The following JMY variants were observed in gnomAD, a reference collection of about 807,000 sequenced individuals.
The protein encoded by JMY is junction-mediating and -regulatory protein.
Under a neutral mutation model 103.3 loss-of-function variants are expected in JMY, and 46 were observed. The ratio of observed to expected loss-of-function variants is 0.45; its 90% CI spans 0.35 to 0.57. The LOEUF (loss-of-function observed/expected upper bound fraction) is 0.57, where lower values mean the gene tolerates loss of function less well. Among genes scored for constraint, JMY ranks in the 20% least tolerant of loss-of-function variants. The probability of loss-of-function intolerance (pLI) is 0.00; values close to 1 mark genes in which losing one functional copy is unlikely to be tolerated. For synonymous variants in JMY, 526 were observed against 489.3 expected (o/e 1.07, Z -0.99); for missense variants, 1,238 against 1,255.2 (o/e 0.99, Z 0.21).
chr5:79,316,032 T>C lies in JMY; in HGVS notation c.2692T>C (p.Leu898=). 1 of 1,614,204 alleles carries C rather than the reference T, an allele frequency of 6.2e-7. No homozygotes were observed. Among genetic ancestry groups the C allele is most frequent in the Non-Finnish European group, 8.5e-7 (1 of 1,180,018 alleles). ...SSPMDEVLAS[L]KRGSFHLKKV... is the part of the protein sequence containing the mutation. ...ACCCATGGATGAGGTGCTAGCCTCC[T>C]TGAAGCGTGGTAGTTTTCATCTGAA... The change falls in exon 10 of 11, where the codon TTG becomes CTG. Residue 898 remains leucine (L), a synonymous_variant. Coordinates refer to ENST00000396137, the MANE Select transcript of JMY (RefSeq NM_152405.5).
At chr5:79,250,031 A>G (rs1222841120) in intron 1 of JMY, among the ~76,000 whole-genome samples, 1 of 152,214 alleles carries the variant, frequency 6.6e-6, no homozygotes, top group Non-Finnish European at 1.5e-5. Flanking sequence ...TGAAGTGCCT[A>G]GCGTGGTATC....
intron 1 of JMY, among the ~76,000 whole-genome samples, chr5:79,247,675 C>T (rs1367277473): frequency 4.0e-5 from 6 of 151,368 alleles, no homozygotes; most frequent in Admixed American, 1.3e-4. Context: ...TTTTTTGAGG[C>T]GGAGTCTTGC....
In JMY at chr5:79,236,800, G is replaced by A. The variant is rs1315058873; in HGVS notation, c.150G>A (p.Thr50=). The A allele has an allele frequency of 6.7e-7, 1 of 1,492,858 alleles. No homozygotes were observed. The allele number at this position is 1,492,858 out of a possible 1,614,324, so 92.5% of individuals were successfully genotyped here. A position where few individuals can be genotyped will look rare whatever the true frequency, so the allele number is the denominator to read the frequency against. The stretch of plus-strand genomic sequence containing the variant: ...TTGCCATAACCTGCCACAACCGGAC[G>A]GCCCAGAGGCAGAGGAGCGGCTCCC... ...GKFAITCHNR[T]AQRQRSGSRE... Residue 50 remains threonine, a synonymous_variant, in exon 1 of 11, where the codon ACG becomes ACA. Coordinates refer to ENST00000396137, the MANE Select transcript of JMY (RefSeq NM_152405.5).
intron 1 of JMY, among the ~76,000 whole-genome samples, chr5:79,274,174 A>G (rs1285179143): frequency 6.6e-6 from 1 of 152,086 alleles, no homozygotes; most frequent in Non-Finnish European, 1.5e-5. Context: ...TTTATCTTCA[A>G]GTTCATTGAC....
In JMY at chr5:79,314,250, AT is replaced by A; in HGVS notation, c.2065-3del. 6.3e-7 allele frequency: 1 copy of A among 1,597,022 alleles called. No individual in the cohort carries two copies. The highest frequency in any genetic ancestry group is 8.5e-7 in the Non-Finnish European group (1 of 1,173,270). On this transcript the variant is annotated splice_polypyrimidine_tract_variant and splice_region_variant and intron_variant, in intron 8 of 10. Transcript: ENST00000396137. The stretch of plus-strand genomic sequence containing the variant: ...TTAACCAGTTCCAATAACTTCTGGT[AT>A]TTTAGAGGTATCCTGGGCAAGTCAT...
chr5:79,283,069 G>A (rs1021048907), intron 2 of JMY, among the ~76,000 whole-genome samples: 79 of 151,696 alleles, frequency 5.2e-4, no homozygotes, highest in African/African-American at 9.2e-4. Flanking sequence ...CAGTCTCACC[G>A]CAACCTCTGC....
chr5:79,244,929 T>C (rs576507598), intron 1 of JMY, among the ~76,000 whole-genome samples: 1 of 151,922 alleles, frequency 6.6e-6, no homozygotes, highest in East Asian at 1.9e-4. Flanking sequence ...ACACAGCATA[T>C]CTAAGTTATT....
chr5:79,242,971 A>G (rs1225913528), intron 1 of JMY, among the ~76,000 whole-genome samples: 1 of 152,110 alleles, frequency 6.6e-6, no homozygotes, highest in Non-Finnish European at 1.5e-5. Context: ...AGGATAACTC[A>G]TTTCGAATTA....
intron 10 of JMY, among the ~76,000 whole-genome samples, chr5:79,317,060 T>C (rs1747251591): frequency 9.2e-6 from 1 of 109,062 alleles, no homozygotes; most frequent in South Asian, 2.7e-4. Context: ...AATCAATACG[T>C]CAATTTTTTT....
chr5:79,316,437 T>C (rs1375727037), intron 10 of JMY, 127 bp downstream of exon 10: 1 of 659,924 alleles, frequency 1.5e-6, no homozygotes, highest in Non-Finnish European at 2.5e-6. Context: ...TTAGCATGGA[T>C]CACAAATTTA....
At chr5:79,300,600 T>G (rs1746703657) in intron 5 of JMY, 76 bp from the exon 6 acceptor site, 111 of 1,178,368 alleles carry the variant, frequency 9.4e-5, no homozygotes, top group Non-Finnish European at 1.2e-4. Flanking sequence ...GAGCCAGTAA[T>G]GAGATTAGAA....
At chr5:79,244,084 T>A (rs1295658112) in intron 1 of JMY, among the ~76,000 whole-genome samples, 1 of 150,984 alleles carries the variant, frequency 6.6e-6, no homozygotes, top group Non-Finnish European at 1.5e-5. Flanking sequence ...CACTGCAGCC[T>A]CCACTGCCCG....
At position 79,277,910 on chromosome 5, in the gene JMY, C is replaced by T; in HGVS notation, c.1033C>T (p.Leu345Phe). The T allele has an allele frequency of 6.2e-7, 1 of 1,608,620 alleles. No individual in the cohort carries two copies. The highest frequency in any genetic ancestry group is 8.5e-7 in the Non-Finnish European group (1 of 1,176,456). ...GTTGTGAAACTGTCTTGTTCCACAGCTCTTGGATAAGCACAAGAATACAGA... is the reference window on the plus strand; with the variant it reads ...GTTGTGAAACTGTCTTGTTCCACAGTTCTTGGATAAGCACAAGAATACAGA... Reference protein sequence around the residue: ...LQRARKRIQELLDKHKNTESM... With the variant: ...LQRARKRIQEFLDKHKNTESM... Residue 345 changes from leucine (L) to phenylalanine (F), a missense_variant and splice_region_variant, in exon 2 of 11, where the codon CTC becomes TTC. Coordinates refer to ENST00000396137, the MANE Select transcript of JMY (RefSeq NM_152405.5).
At chr5:79,279,687 T>G (rs1417513672) in intron 2 of JMY, among the ~76,000 whole-genome samples, 1 of 151,942 alleles carries the variant, frequency 6.6e-6, no homozygotes, top group Non-Finnish European at 1.5e-5. Flanking sequence ...TTAGACATAC[T>G]CCTTTATCAA....
At chr5:79,262,000 T>C (rs1026667581) in intron 1 of JMY, among the ~76,000 whole-genome samples, 4 of 152,246 alleles carry the variant, frequency 2.6e-5, no homozygotes, top group African/African-American at 9.6e-5. Context: ...TGTCAGATTT[T>C]GAAGCAGAAA....
rs576789166 is a variant in JMY at position 79,291,217 on chromosome 5, A to G, written c.1445A>G (p.Tyr482Cys). 3 of 1,613,476 alleles carry G rather than the reference A, an allele frequency of 1.9e-6. No individual in the cohort carries two copies. Among genetic ancestry groups the G allele is most frequent in the African/African-American group, 1.3e-5 (1 of 75,040 alleles). The change falls in exon 4 of 11, where the codon TAT becomes TGT. Residue 482 changes from tyrosine to cysteine, a missense_variant. Coordinates refer to ENST00000396137, the MANE Select transcript of JMY (RefSeq NM_152405.5). ...GCTGAACGGATGGAAAAACTCCAGT[A>G]TGCAGTTTCTAAGGAAACTTTGCAG... ...AAAERMEKLQ[Y>C]AVSKETLQMM...
chr5:79,278,814 A>AGATGG (rs1346001765), intron 2 of JMY, among the ~76,000 whole-genome samples: 5 of 128,148 alleles, frequency 3.9e-5, no homozygotes, highest in Non-Finnish European at 6.6e-5. Context: ...TTTTTTTTCG[A>AGATGG]GATGGGATCT....
intron 2 of JMY, among the ~76,000 whole-genome samples, chr5:79,281,296 G>C (rs189494300): frequency 1.3e-5 from 2 of 150,766 alleles, no homozygotes; most frequent in African/African-American, 2.4e-5. Flanking sequence ...CACCCACCTC[G>C]GCCTCCCAAA....
intron 7 of JMY, among the ~76,000 whole-genome samples, chr5:79,310,160 T>TTGAGCCATTCTCCTGCCTC (rs1747006570): frequency 6.8e-6 from 1 of 146,920 alleles, no homozygotes; most frequent in Non-Finnish European, 1.5e-5. Context: ...CCTCCTGGCT[T>TTGAGCCATTCTCCTGCCTC]TGAGCCATTC....
Sources: allele counts gnomAD v4.1 joint callset (sites outside exome capture counted in the v4.1 genomes callset), GRCh38; gene constraint gnomAD v4.1.1; transcripts MANE v1.5; gene names NCBI Gene and HGNC (gene_info 2026-07-23, HGNC 2026-07-21).